The following CDH4 variants were observed in gnomAD, a reference collection of about 807,000 sequenced individuals.
CDH4 encodes cadherin 4.
CDH4 carries 33 observed loss-of-function variants against 86.0 expected under a neutral mutation model. That is an observed-to-expected ratio of 0.38 (90% confidence interval 0.29 to 0.51). The LOEUF (loss-of-function observed/expected upper bound fraction) is 0.51, where lower values mean the gene tolerates loss of function less well. Among genes scored for constraint, CDH4 ranks in the 20% least tolerant of loss-of-function variants. The pLI is 0.86. For missense variants in CDH4, 1,114 were observed against 1,307.4 expected, an observed-to-expected ratio of 0.85 and a Z score of 2.28; for synonymous variants, 555 against 549.4, an observed-to-expected ratio of 1.01 and a Z score of -0.14.
intron 2 of CDH4, among the ~76,000 whole-genome samples, chr20:61,701,037 G>A (rs1398060162): frequency 1.3e-5 from 2 of 152,204 alleles, no homozygotes; most frequent in Admixed American, 6.5e-5. Flanking sequence ...GCTTAAAGCC[G>A]AGGCATCGGC....
chr20:61,351,349 C>G (rs569004010), intron 2 of CDH4, among the ~76,000 whole-genome samples: 1 of 152,128 alleles, frequency 6.6e-6, no homozygotes, highest in Non-Finnish European at 1.5e-5. Context: ...CAAGTCTATG[C>G]GAGGGGGTGC....
chr20:61,757,350 G>C (rs557574941), intron 3 of CDH4, among the ~76,000 whole-genome samples: 4 of 152,254 alleles, frequency 2.6e-5, no homozygotes, highest in African/African-American at 9.6e-5. Flanking sequence ...CTCTTCATGG[G>C]TGCGAAGGAC....
In CDH4 at chr20:61,442,435, G is replaced by A. The variant is rs377360415; in HGVS notation, c.169+187498G>A. ...CATCATCTGCTGTGCAAATATTTGT[G>A]GCTTTAAAAGAATAACAGATCGTGA... is the stretch of plus-strand genomic sequence containing the variant. On this transcript the variant is annotated intron_variant, in intron 2 of 15. Coordinates refer to ENST00000614565, the MANE Select transcript of CDH4 (RefSeq NM_001794.5). 1.2e-3 allele frequency among the ~76,000 whole-genome samples: 189 copies of A among 152,280 alleles called. 2 individuals carry two copies. Among genetic ancestry groups the A allele is most frequent in the African/African-American group, 4.0e-3 (166 of 41,556 alleles).
intron 6 of CDH4, among the ~76,000 whole-genome samples, chr20:61,854,699 A>G (rs1982908728): frequency 7.0e-6 from 1 of 142,948 alleles, no homozygotes; most frequent in African/African-American, 2.7e-5. Context: ...GCCCACCCCC[A>G]GGGCTGCAGT....
rs902763665 is a variant in CDH4 at position 61,940,028 on chromosome 20, G to C, written c.*3085G>C. On this transcript the variant is annotated 3_prime_UTR_variant, in exon 16 of 16. Coordinates refer to ENST00000614565, the MANE Select transcript of CDH4 (RefSeq NM_001794.5). ...CACAGTCCACTGAGATGATAATTCT[G>C]TTCTCTCCAAAGCAAAAAGCTGGGC... is the stretch of plus-strand genomic sequence containing the variant. The C allele has an allele frequency of 6.6e-6, 1 of 152,202 alleles. No individual in the cohort carries two copies. The highest frequency in any genetic ancestry group is 1.5e-5 in the Non-Finnish European group (1 of 68,058). 9.4% of individuals were successfully genotyped at this position (152,202 alleles called of 1,614,324 possible). A position where few individuals can be genotyped will look rare whatever the true frequency, so the allele number is the denominator to read the frequency against.
chr20:61,758,457 G>T (rs1017690322), intron 3 of CDH4, among the ~76,000 whole-genome samples: 1 of 152,182 alleles, frequency 6.6e-6, no homozygotes, highest in African/African-American at 2.4e-5. Flanking sequence ...CTGTCCTGAC[G>T]CAATCGGAGG....
intron 2 of CDH4, among the ~76,000 whole-genome samples, chr20:61,340,048 C>T (rs1335646976): frequency 1.3e-5 from 2 of 152,166 alleles, no homozygotes; most frequent in Non-Finnish European, 1.5e-5. Context: ...CCCAGAAAGC[C>T]TCTTTGACAT....
intron 3 of CDH4, among the ~76,000 whole-genome samples, chr20:61,751,869 C>T (rs1414749818): frequency 6.6e-6 from 1 of 152,138 alleles, no homozygotes; most frequent in Non-Finnish European, 1.5e-5. Flanking sequence ...TAAAATGACC[C>T]CTACCTCACA....
Position 61,709,819 on chromosome 20 carries a change from C to G in CDH4, c.170-33744C>G, listed in dbSNP as rs1473504483. Among the ~76,000 whole-genome samples, 3 of 152,284 alleles carry G rather than the reference C, an allele frequency of 2.0e-5. No homozygotes were observed. The highest frequency in any genetic ancestry group is 7.2e-5 in the African/African-American group (3 of 41,566). ...TCTTCTTGTTTTCCCACAGATGGCA[C>G]AAGCTAATTATTCTCATTTGTGTAG... is the stretch of plus-strand genomic sequence containing the variant. On this transcript the variant is annotated intron_variant, in intron 2 of 15. Coordinates refer to ENST00000614565, the MANE Select transcript of CDH4 (RefSeq NM_001794.5). The surrounding 1 kb of genome is among the most constrained non-coding windows in gnomAD (Gnocchi z 4.8).
intron 2 of CDH4, among the ~76,000 whole-genome samples, chr20:61,283,415 T>G (rs1320039557): frequency 2.2e-5 from 3 of 136,924 alleles, no homozygotes; most frequent in African/African-American, 5.5e-5. Flanking sequence ...GTGTGATGTG[T>G]GTGCGTTTGC....
intron 2 of CDH4, among the ~76,000 whole-genome samples, chr20:61,385,594 G>A (rs1247252185): frequency 3.3e-5 from 5 of 152,070 alleles, no homozygotes; most frequent in African/African-American, 9.7e-5. Flanking sequence ...ATTGCCAAAC[G>A]CGTGACTAGC....
rs201452222 is a variant in CDH4, at chr20:61,715,181, A to G, written c.170-28382A>G. Among the ~76,000 whole-genome samples the G allele has an allele frequency of 9.9e-5, 15 of 152,148 alleles. No individual in the cohort carries two copies. The East Asian group carries it at 2.3e-3, about 24-fold the overall frequency. The stretch of plus-strand genomic sequence containing the variant: ...TTAGTGATGCTGAGCATTCTTTCCT[A>G]TATGTGTTGGTCATTTGTATATCTT... On this transcript the variant is annotated intron_variant, in intron 2 of 15. Transcript: ENST00000614565.
At chr20:61,632,932 C>T (rs1473589730) in intron 2 of CDH4, among the ~76,000 whole-genome samples, 1 of 146,856 alleles carries the variant, frequency 6.8e-6, no homozygotes, top group East Asian at 2.1e-4. Flanking sequence ...TACGTTGTCT[C>T]TCTATCCATC....
chr20:61,389,928 C>T (rs576796131), intron 2 of CDH4, among the ~76,000 whole-genome samples: 35 of 150,072 alleles, frequency 2.3e-4, no homozygotes, highest in African/African-American at 8.1e-4. Context: ...TAGGAAACCC[C>T]GATTGGGTTC....
In CDH4 at chr20:61,579,319, C is replaced by G. The variant is rs140262037; in HGVS notation, c.170-164244C>G. 3.2e-4 allele frequency among the ~76,000 whole-genome samples: 45 copies of G among 139,368 alleles called. 1 individual carries two copies. The highest frequency in any genetic ancestry group is 1.1e-3 in the African/African-American group (43 of 38,280). The allele number at this position is 139,368 out of a possible 152,430, so 91.4% of individuals were successfully genotyped here. On this transcript the variant is annotated intron_variant, in intron 2 of 15. Coordinates refer to ENST00000614565, the MANE Select transcript of CDH4 (RefSeq NM_001794.5). ...TTTTTTTTTTTGAGACGGAGTCTCT[C>G]TCTGTTGCCCAGTCTGGAGTGCAGC...
rs11481455 is a variant in CDH4 at position 61,937,249 on chromosome 20, G to GAAAAAAAAAAAAA, written c.*310_*322dup. 12 of 109,696 alleles carry GAAAAAAAAAAAAA rather than the reference G, an allele frequency of 1.1e-4. No homozygotes were observed. The highest frequency in any genetic ancestry group is 3.2e-4 in the South Asian group (1 of 3,162). The allele number at this position is 109,696 out of a possible 1,614,324, so 6.8% of individuals were successfully genotyped here. ...AAAAAAAAAAAAAAGAAGAAAGAAA[G>GAAAAAAAAAAAAA]AAAAAAAAAAAAAAAAGAAAGTGCC... On this transcript the variant is annotated 3_prime_UTR_variant, in exon 16 of 16. Transcript: ENST00000614565.
rs753286400 is a variant in CDH4 at position 61,807,689 on chromosome 20, C to G, written c.576+34507C>G. ...GTGAGAACAGCTGGGGAACTGTGGA[C>G]GGCTCTTCAGACTCAAACGGTGTGA... On this transcript the variant is annotated intron_variant, in intron 4 of 15. Coordinates refer to ENST00000614565, the MANE Select transcript of CDH4 (RefSeq NM_001794.5). This position sits in a 1 kb window ranked among gnomAD's most constrained non-coding sequence, Gnocchi z 4.5. 6.6e-6 allele frequency among the ~76,000 whole-genome samples: 1 copy of G among 152,120 alleles called. No homozygotes were observed. The highest frequency in any genetic ancestry group is 1.5e-5 in the Non-Finnish European group (1 of 68,034).
chr20:61,405,641 T>C (rs1007102037), intron 2 of CDH4, among the ~76,000 whole-genome samples: 3 of 152,054 alleles, frequency 2.0e-5, no homozygotes, highest in Non-Finnish European at 4.4e-5. Flanking sequence ...TTTTTTATAG[T>C]AAATATTTAG....
chr20:61,582,935 G>A lies in CDH4; in HGVS notation c.170-160628G>A, dbSNP rs558248598. On this transcript the variant is annotated intron_variant, in intron 2 of 15. Coordinates refer to ENST00000614565, the MANE Select transcript of CDH4 (RefSeq NM_001794.5). The surrounding 1 kb of genome is among the most constrained non-coding windows in gnomAD (Gnocchi z 4.2). ...ACACCCTTGGCTGTCCGCCTTCTGC[G>A]CCCCCATGGCCCCCGGCCCTAGGCA... Among the ~76,000 whole-genome samples, 80 of 152,002 alleles carry A rather than the reference G, an allele frequency of 5.3e-4. No homozygotes were observed. Among genetic ancestry groups the A allele is most frequent in the African/African-American group, 1.7e-3 (70 of 41,436 alleles).
Sources: allele counts gnomAD v4.1 joint callset (sites outside exome capture counted in the v4.1 genomes callset), GRCh38; gene constraint gnomAD v4.1.1; non-coding constraint Gnocchi (gnomAD v3.1); transcripts MANE v1.5; gene names NCBI Gene and HGNC (gene_info 2026-07-23, HGNC 2026-07-21).